Variants in TOP2A observed in about 807,000 individuals in gnomAD.
The protein encoded by TOP2A is DNA topoisomerase II alpha.
TOP2A carries 68 observed loss-of-function variants against 187.2 expected under a neutral mutation model. That is an observed-to-expected ratio of 0.36 (90% CI 0.30 to 0.44). The LOEUF (loss-of-function observed/expected upper bound fraction) is 0.44, where lower values mean the gene tolerates loss of function less well. Among genes scored for constraint, TOP2A ranks in the 20% least tolerant of loss-of-function variants. The probability of loss-of-function intolerance (pLI) is 1.00; values close to 1 mark genes in which losing one functional copy is unlikely to be tolerated. For missense variants in TOP2A, 1,196 were observed against 1,808.7 expected (o/e 0.66, Z 6.14); for synonymous variants, 542 against 593.2 (o/e 0.91, Z 1.25).
At position 40,399,980 on chromosome 17, in the gene TOP2A, A is replaced by G; in HGVS notation, c.3088T>C (p.Tyr1030His). The G allele has an allele frequency of 6.2e-7, 1 of 1,613,446 alleles. No individual in the cohort carries two copies. The highest frequency in any genetic ancestry group is 8.5e-7 in the Non-Finnish European group (1 of 1,179,676). ...AGGAGCCATTCTTTTCTTAATCCAT[A>G]ATATTTAAGTCTGAGTTCAAAAAAG... ...RDFFELRLKYYGLRKEWLLGM... is the reference protein window; with the variant it reads ...RDFFELRLKYHGLRKEWLLGM... The change falls in exon 24 of 35, where the codon TAT (tyrosine) becomes CAT (histidine). Residue 1030 changes from tyrosine to histidine, a missense_variant. Transcript: ENST00000423485.
rs1287316461 is a variant in TOP2A, at chr17:40,404,216, C to T, written c.2219G>A (p.Arg740Gln). ...LFTCFKRNDK[R>Q]EVKVAQLAGS... ...AGCTAATTGGGCAACCTTTACTTCT[C>T]GCTTGTCATTCCGTTTGAAGCAAGT... is the stretch of plus-strand genomic sequence containing the variant. The change falls in exon 19 of 35, where the codon CGA (arginine) becomes CAA (glutamine). Residue 740 changes from arginine to glutamine, a missense_variant. Transcript: ENST00000423485. 1.9e-6 allele frequency: 3 copies of T among 1,613,764 alleles called. No individual in the cohort carries two copies. Among genetic ancestry groups the T allele is most frequent in the East Asian group, 2.2e-5 (1 of 44,870 alleles).
chr17:40,411,790 A>T lies in TOP2A; in HGVS notation c.818T>A (p.Met273Lys). The change falls in exon 8 of 35, where the codon ATG becomes AAG. Residue 273 changes from methionine (M) to lysine (K), a missense_variant. This residue lies in a region of TOP2A where 252 missense variants were observed against 434.8 expected (regional missense o/e 0.58). Transcript: ENST00000423485. This position sits in a 1 kb window ranked among gnomAD's most constrained non-coding sequence, Gnocchi z 4.4. ...PVKGFRSYVD[M>K]YLKDKLDETG... ...TTCATCCAACTTGTCCTTCAAATAC[A>T]TGTCCACATAACTACGAAATCCTTT... 6.2e-7 allele frequency: 1 copy of T among 1,600,094 alleles called. No individual in the cohort carries two copies.
chr17:40,413,069 A>G, intron 6 of TOP2A, 98 bp from the exon 7 acceptor site: 1 of 1,274,578 alleles, frequency 7.8e-7, no homozygotes, highest in Non-Finnish European at 1.1e-6. Context: ...CCTAATATAT[A>G]TGCTTATAAT....
At position 40,412,945 on chromosome 17, in the gene TOP2A, A is replaced by C. The variant is rs1343119460; in HGVS notation, c.603T>G (p.Ala201=). 1.9e-6 allele frequency: 3 copies of C among 1,613,160 alleles called. No homozygotes were observed. The highest frequency in any genetic ancestry group is 2.5e-6 in the Non-Finnish European group (3 of 1,179,494). The change falls in exon 7 of 35, where the codon GCT becomes GCG. Residue 201 remains alanine (A), a synonymous_variant. Transcript: ENST00000423485. The part of the protein sequence containing the change: ...KQTWMDNMGR[A]GEMELKPFNG... ...TGAAGGGCTTGAGTTCCATCTCACC[A>C]GCTCTTCCCATATTATCCATCCATG...
At chr17:40,412,738 A>G in intron 7 of TOP2A, 21 bp downstream of exon 7, 1 of 1,588,982 alleles carries the variant, frequency 6.3e-7, no homozygotes, top group East Asian at 2.2e-5. Context: ...TATTATCCTT[A>G]ACATCCAGGA....
intron 29 of TOP2A, among the ~76,000 whole-genome samples, chr17:40,393,749 A>G (rs1163913713): frequency 6.6e-6 from 1 of 152,328 alleles, no homozygotes; most frequent in East Asian, 1.9e-4. Context: ...CCTAAATGTA[A>G]GAGCTAAAAC....
chr17:40,404,815 T>C lies in TOP2A; in HGVS notation c.2022A>G (p.Gln674=). 6.2e-7 allele frequency: 1 copy of C among 1,605,252 alleles called. No homozygotes were observed. Among genetic ancestry groups the C allele is most frequent in the Non-Finnish European group, 8.5e-7 (1 of 1,175,186 alleles). The change falls in exon 17 of 35, where the codon CAA becomes CAG. Residue 674 remains glutamine, a synonymous_variant. Transcript: ENST00000423485. ...WLTNFMEDRR[Q]RKLLGLPEDY... is the part of the protein sequence containing the mutation. ...CCTCAGGAAGCCCAAGTAACTTTCGTTGTCTTCTATCCTCCATGAAATTAG... is the reference window on the plus strand; with the variant it reads ...CCTCAGGAAGCCCAAGTAACTTTCGCTGTCTTCTATCCTCCATGAAATTAG...
intron 4 of TOP2A, among the ~76,000 whole-genome samples, chr17:40,415,141 A>C (rs943674174): frequency 6.8e-6 from 1 of 147,168 alleles, no homozygotes; most frequent in Non-Finnish European, 1.5e-5. Flanking sequence ...TGCAAGCTCC[A>C]CCTCCCGGGT....
At chr17:40,398,536 A>G in intron 27 of TOP2A, 22 bp downstream of exon 27, 1 of 1,535,670 alleles carries the variant, frequency 6.5e-7, no homozygotes, top group Non-Finnish European at 8.8e-7. Flanking sequence ...AAATTCTAAC[A>G]TGGGCATTAT....
chr17:40,411,175 T>G lies in TOP2A; in HGVS notation c.1137A>C (p.Glu379Asp), dbSNP rs1207622603. 1 of 1,613,558 alleles carries G rather than the reference T, an allele frequency of 6.2e-7. No homozygotes were observed. The highest frequency in any genetic ancestry group is 1.1e-5 in the South Asian group (1 of 90,998). Residue 379 changes from glutamate (E) to aspartate (D), a missense_variant, in exon 10 of 35, where the codon GAA becomes GAC. Physicochemically the swap from Glu to Asp is conservative, Grantham distance 45. Coordinates refer to ENST00000423485, the MANE Select transcript of TOP2A (RefSeq NM_001067.4). This position sits in a 1 kb window ranked among gnomAD's most constrained non-coding sequence, Gnocchi z 4.4. ...AGCTCTTGGGTTGTAAAGTCATGTT[T>G]TCTTTTGTCTGAGAGTCAAAGGTTG... ...ENPTFDSQTK[E>D]NMTLQPKSFG... is the part of the protein sequence containing the mutation.
chr17:40,411,540 T>C lies in TOP2A; in HGVS notation c.964-85A>G. 1 of 1,550,296 alleles carries C rather than the reference T, an allele frequency of 6.5e-7. No homozygotes were observed. The highest frequency in any genetic ancestry group is 8.9e-7 in the Non-Finnish European group (1 of 1,123,966). The stretch of plus-strand genomic sequence containing the variant: ...CATTAAAAACTAATTTAACCTCCTT[T>C]ATACTAAGCTAGCCCAATATTCAAG... On this transcript the variant is annotated intron_variant, in intron 8 of 34. Transcript: ENST00000423485. This position sits in a 1 kb window ranked among gnomAD's most constrained non-coding sequence, Gnocchi z 4.4.
At chr17:40,395,628 G>T (rs2035086196) in intron 28 of TOP2A, 89 bp from the exon 29 acceptor site, 2 of 866,840 alleles carry the variant, frequency 2.3e-6, no homozygotes, top group Non-Finnish European at 3.5e-6. Flanking sequence ...GGGAGCGGTG[G>T]CTCACGCCTG....
chr17:40,400,199 A>T lies in TOP2A; in HGVS notation c.3000+10T>A. 1 of 1,613,274 alleles carries T rather than the reference A, an allele frequency of 6.2e-7. No individual in the cohort carries two copies. Among genetic ancestry groups the T allele is most frequent in the South Asian group, 1.1e-5 (1 of 91,056 alleles). ...TTGAAACGTGTACATCTCACAAAAC[A>T]AATACATACCATAGAGTTGCATGTG... On this transcript the variant is annotated intron_variant, in intron 23 of 34. Transcript: ENST00000423485.
intron 4 of TOP2A, among the ~76,000 whole-genome samples, chr17:40,414,854 CAAAAA>C (rs531134947): frequency 2.1e-5 from 1 of 47,624 alleles, no homozygotes. Context: ...AAAACTCCAT[CAAAAA>C]AAAAAAAAAA....
intron 29 of TOP2A, among the ~76,000 whole-genome samples, chr17:40,395,144 G>A (rs184122189): frequency 7.6e-4 from 115 of 152,140 alleles, no homozygotes; most frequent in Non-Finnish European, 2.9e-4. Flanking sequence ...GCAGCCAGGC[G>A]TGGTGGCATG....
rs1483123416 is a variant in TOP2A, at chr17:40,389,484, G to A, written c.*35C>T. 5.8e-6 allele frequency: 9 copies of A among 1,561,474 alleles called. No individual in the cohort carries two copies. The highest frequency in any genetic ancestry group is 7.8e-6 in the Non-Finnish European group (9 of 1,151,704). The stretch of plus-strand genomic sequence containing the variant: ...TAACTTTAAAACCAGTCTTGGGCTT[G>A]GTAAGATAATTACTTAAAATAATCG... On this transcript the variant is annotated 3_prime_UTR_variant, in exon 35 of 35. Coordinates refer to ENST00000423485, the MANE Select transcript of TOP2A (RefSeq NM_001067.4).
At chr17:40,417,589 T>C in intron 1 of TOP2A, 182 bp downstream of exon 1, 1 of 1,460,860 alleles carries the variant, frequency 6.8e-7, no homozygotes, top group Non-Finnish European at 9.0e-7. Context: ...CATACTTCAC[T>C]ACTAGCACCA....
intron 32 of TOP2A, 26 bp from the exon 33 acceptor site, chr17:40,391,666 T>G: frequency 2.6e-6 from 4 of 1,547,114 alleles, no homozygotes; most frequent in Middle Eastern, 1.7e-4. Context: ...GAAAGGAAAA[T>G]AGTACATTTA....
chr17:40,405,162 G>C (rs1381946383), intron 16 of TOP2A, among the ~76,000 whole-genome samples: 2 of 144,614 alleles, frequency 1.4e-5, no homozygotes, highest in Non-Finnish European at 3.0e-5. Context: ...GCTAATTTTT[G>C]TATTTTTTTT....
Sources: allele counts gnomAD v4.1 joint callset (sites outside exome capture counted in the v4.1 genomes callset), GRCh38; gene constraint gnomAD v4.1.1; regional missense constraint gnomAD v4.1.1; non-coding constraint Gnocchi (gnomAD v3.1); transcripts MANE v1.5; gene names NCBI Gene and HGNC (gene_info 2026-07-23, HGNC 2026-07-21).